E2F3: variants seen among roughly 807,000 people sequenced by gnomAD.
E2F3 encodes the protein E2F transcription factor 3.
In E2F3, 11 loss-of-function variants were observed where a neutral mutation model predicts 44.4. That is an observed-to-expected ratio of 0.25 (90% CI 0.16 to 0.41). E2F3 has a LOEUF of 0.41. Ranked by LOEUF, E2F3 falls within the 10% of genes least tolerant of loss-of-function variation. The pLI is 1.00. For missense variants in E2F3, 487 were observed against 583.6 expected (o/e 0.83, Z 1.70); for synonymous variants, 249 against 253.0 (o/e 0.98, Z 0.15).
intron 1 of E2F3, among the ~76,000 whole-genome samples, chr6:20,460,733 C>A (rs910894003): frequency 5.3e-5 from 8 of 152,062 alleles, no homozygotes; most frequent in African/African-American, 1.4e-4. Flanking sequence ...TGGTGGCTCA[C>A]GCCCGTAATC....
chr6:20,451,355 C>G (rs1761125237), intron 1 of E2F3, among the ~76,000 whole-genome samples: 2 of 151,972 alleles, frequency 1.3e-5, no homozygotes, highest in South Asian at 4.2e-4. Context: ...TGATTTGGCT[C>G]TTGGCTTAAC....
intron 1 of E2F3, among the ~76,000 whole-genome samples, chr6:20,440,435 G>A (rs1020974949): frequency 6.6e-6 from 1 of 152,160 alleles, no homozygotes; most frequent in Non-Finnish European, 1.5e-5. Context: ...TGTATTCATT[G>A]GTCCAAAGAA....
At chr6:20,489,819 G>T (rs921727009) in intron 6 of E2F3, among the ~76,000 whole-genome samples, 14 of 151,546 alleles carry the variant, frequency 9.2e-5, no homozygotes, top group African/African-American at 2.9e-4. Context: ...TACAAAAAAA[G>T]ATTAACCAGG....
chr6:20,443,821 CTG>C (rs1422498309), intron 1 of E2F3, among the ~76,000 whole-genome samples: 24 of 152,234 alleles, frequency 1.6e-4, no homozygotes, highest in Admixed American at 1.6e-3. Context: ...TTGTGTGTGT[CTG>C]TACTGCATGT....
At chr6:20,405,738 G>C (rs112444952) in intron 1 of E2F3, among the ~76,000 whole-genome samples, 1 of 151,896 alleles carries the variant, frequency 6.6e-6, no homozygotes, top group Non-Finnish European at 1.5e-5. Flanking sequence ...CAGGAAAATC[G>C]CTTGACCCTG....
In E2F3 at chr6:20,468,826, G is replaced by A. The variant is rs1761798651; in HGVS notation, c.394-11020G>A. Reference sequence around the variant, plus strand: ...CTTACACCAAGACTGATAAAGTGAGGGGTTTTCTAAACATAGGAGAGAAAG... The same window carrying A: ...CTTACACCAAGACTGATAAAGTGAGAGGTTTTCTAAACATAGGAGAGAAAG... On this transcript the variant is annotated intron_variant, in intron 1 of 6. Coordinates refer to ENST00000346618, the MANE Select transcript of E2F3 (RefSeq NM_001949.5). 2.6e-5 allele frequency among the ~76,000 whole-genome samples: 4 copies of A among 152,220 alleles called. No homozygotes were observed. The South Asian group carries it at 8.3e-4, about 32-fold the overall frequency.
intron 1 of E2F3, among the ~76,000 whole-genome samples, chr6:20,442,493 C>T (rs915834779): frequency 2.0e-5 from 3 of 152,280 alleles, no homozygotes; most frequent in Admixed American, 6.5e-5. Flanking sequence ...TGCGGTGTTT[C>T]GTGCATTTTT....
At chr6:20,425,387 C>CTTTTTTT (rs879940355) in intron 1 of E2F3, among the ~76,000 whole-genome samples, 1 of 134,794 alleles carries the variant, frequency 7.4e-6, no homozygotes. Context: ...GAACCTTCTA[C>CTTTTTTT]TTTTTTTTTT....
In E2F3 at chr6:20,402,345, T is replaced by C; in HGVS notation, c.113T>C (p.Leu38Pro). The C allele has an allele frequency of 6.2e-7, 1 of 1,608,902 alleles. No individual in the cohort carries two copies. The highest frequency in any genetic ancestry group is 8.5e-7 in the Non-Finnish European group (1 of 1,178,234). ...GCAGCCTCCATGGACAAAAGGGCAC[T>C]GCTAGCCAGCCCCGGCTTCGCCGCC... ...AAAASMDKRALLASPGFAAAA... is the reference protein window; with the variant it reads ...AAAASMDKRAPLASPGFAAAA... The change falls in exon 1 of 7, where the codon CTG becomes CCG. Residue 38 changes from leucine to proline, a missense_variant. Leu to Pro is a moderately conservative substitution (Grantham distance 98). This residue lies in a region of E2F3 where 238 missense variants were observed against 236.0 expected (regional missense o/e 1.01). Transcript: ENST00000346618. The surrounding 1 kb of genome is among the most constrained non-coding windows in gnomAD (Gnocchi z 5.6).
intron 1 of E2F3, among the ~76,000 whole-genome samples, chr6:20,472,797 T>C (rs938298193): frequency 6.6e-6 from 1 of 152,216 alleles, no homozygotes; most frequent in Non-Finnish European, 1.5e-5. Flanking sequence ...TGATTATTCA[T>C]TGGAAAAATG....
At chr6:20,484,442 G>A (rs910751042) in intron 4 of E2F3, among the ~76,000 whole-genome samples, 1 of 152,196 alleles carries the variant, frequency 6.6e-6, no homozygotes, top group East Asian at 1.9e-4. Context: ...AAAAGGCCAA[G>A]AAGTGATGAG....
intron 1 of E2F3, among the ~76,000 whole-genome samples, chr6:20,444,075 T>C (rs923594314): frequency 6.6e-6 from 1 of 152,038 alleles, no homozygotes; most frequent in Non-Finnish European, 1.5e-5. Flanking sequence ...GGCATGGTGG[T>C]GTGCGCCCAT....
At chr6:20,458,950 TG>T (rs2127605506) in intron 1 of E2F3, among the ~76,000 whole-genome samples, 1 of 34,548 alleles carries the variant, frequency 2.9e-5, no homozygotes, top group South Asian at 1.0e-3. Context: ...TTTCCACAGT[TG>T]TTTTTTTTCT....
chr6:20,437,579 T>C (rs1378249908), intron 1 of E2F3, among the ~76,000 whole-genome samples: 1 of 152,206 alleles, frequency 6.6e-6, no homozygotes, highest in Non-Finnish European at 1.5e-5. Flanking sequence ...TTATATTGTT[T>C]TCCTGCTTAA....
At chr6:20,438,288 A>G (rs1241353171) in intron 1 of E2F3, among the ~76,000 whole-genome samples, 1 of 152,214 alleles carries the variant, frequency 6.6e-6, no homozygotes, top group African/African-American at 2.4e-5. Context: ...GTGACAGGCT[A>G]AAAAGACATA....
rs150442308 is a variant in E2F3 at position 20,410,371 on chromosome 6, C to T, written c.393+7746C>T. Among the ~76,000 whole-genome samples the T allele has an allele frequency of 5.9e-4, 90 of 152,316 alleles. 1 individual carries two copies. The East Asian group carries it at 0.015, about 25-fold the overall frequency. On this transcript the variant is annotated intron_variant, in intron 1 of 6. Transcript: ENST00000346618. ...CAGAGTGCCTGTGTTCTTGTTCTGG[C>T]TCTGCTCACTAGCCCTGTGACTTTG... is the stretch of plus-strand genomic sequence containing the variant.
intron 2 of E2F3, chr6:20,480,170 C>A: frequency 1.6e-6 from 1 of 618,148 alleles, no homozygotes; most frequent in Non-Finnish European, 2.0e-6. Context: ...GGGAAGACTT[C>A]TTTTAACTGT....
At chr6:20,447,968 G>A (rs1294060112) in intron 1 of E2F3, among the ~76,000 whole-genome samples, 1 of 152,198 alleles carries the variant, frequency 6.6e-6, no homozygotes, top group Non-Finnish European at 1.5e-5. Context: ...CCATATCAAG[G>A]ACTAGAACAT....
chr6:20,480,646 G>A (rs1405617084), intron 2 of E2F3, among the ~76,000 whole-genome samples: 1 of 152,222 alleles, frequency 6.6e-6, no homozygotes, highest in Non-Finnish European at 1.5e-5. Flanking sequence ...CTTTAAGAGA[G>A]ATGGGGAGAT....
Sources: gnomAD v4.1 joint callset for allele counts (sites outside exome capture counted in the v4.1 genomes callset) on GRCh38, gnomAD v4.1.1 for gene constraint, gnomAD v4.1.1 regional missense constraint, Gnocchi (gnomAD v3.1) non-coding constraint, MANE v1.5 for transcripts, NCBI Gene and HGNC (gene_info 2026-07-23, HGNC 2026-07-21) for gene names.